DGKI: variants seen among roughly 807,000 people sequenced by gnomAD.
The protein encoded by DGKI is diacylglycerol kinase iota.
In DGKI, 55 loss-of-function variants were observed where a neutral mutation model predicts 147.5. The observed-to-expected ratio is 0.37, with a 90% CI of 0.30 to 0.47. The LOEUF is 0.47. Ranked by LOEUF, DGKI falls within the 20% of genes least tolerant of loss-of-function variation. DGKI has a pLI of 1.00. For synonymous variants in DGKI, 469 were observed against 477.1 expected, an observed-to-expected ratio of 0.98 and a Z score of 0.22; for missense variants, 1,007 against 1,323.8, an observed-to-expected ratio of 0.76 and a Z score of 3.71.
chr7:137,521,569 G>A (rs946751384), intron 21 of DGKI, among the ~76,000 whole-genome samples: 3 of 152,006 alleles, frequency 2.0e-5, no homozygotes, highest in Non-Finnish European at 4.4e-5. Context: ...TTGGTATCAC[G>A]AACTTTTTGC....
intron 1 of DGKI, among the ~76,000 whole-genome samples, chr7:137,788,750 T>TGTC (rs1468333031): frequency 1.6e-4 from 25 of 152,000 alleles, no homozygotes; most frequent in African/African-American, 5.1e-4. Context: ...GTAACCCAAA[T>TGTC]GTCACCTCCC....
At chr7:137,511,245 T>C (rs1040332139) in intron 21 of DGKI, among the ~76,000 whole-genome samples, 2 of 152,224 alleles carry the variant, frequency 1.3e-5, no homozygotes, top group Non-Finnish European at 2.9e-5. Context: ...CACATCCCAT[T>C]GAGAATCAAA....
chr7:137,543,319 T>G (rs1321088720), intron 20 of DGKI, among the ~76,000 whole-genome samples: 3 of 152,236 alleles, frequency 2.0e-5, no homozygotes, highest in African/African-American at 7.2e-5. Context: ...TGCTTTGTTT[T>G]GTCCTATTGG....
chr7:137,407,155 T>C (rs1811984886), intron 30 of DGKI, among the ~76,000 whole-genome samples: 2 of 152,340 alleles, frequency 1.3e-5, no homozygotes, highest in Non-Finnish European at 1.5e-5. Flanking sequence ...CCTTTATTCC[T>C]GTTCTTTATT....
intron 1 of DGKI, among the ~76,000 whole-genome samples, chr7:137,733,208 A>G (rs1226234418): frequency 6.6e-6 from 1 of 151,974 alleles, no homozygotes; most frequent in South Asian, 2.1e-4. Flanking sequence ...ATCTTCCCCA[A>G]ATGAAACTCT....
intron 1 of DGKI, among the ~76,000 whole-genome samples, chr7:137,785,188 G>A (rs1796630187): frequency 6.6e-6 from 1 of 151,930 alleles, no homozygotes; most frequent in Non-Finnish European, 1.5e-5. Flanking sequence ...TAAACAAAAA[G>A]CTGGTTCTTT....
chr7:137,654,657 G>A (rs1172956089), intron 5 of DGKI, 75 bp downstream of exon 5: 1 of 1,072,816 alleles, frequency 9.3e-7, no homozygotes, highest in Non-Finnish European at 1.4e-6. Context: ...TTTATTCCCT[G>A]GTGAATATCT....
chr7:137,407,793 G>A (rs1812011622), intron 30 of DGKI, 82 bp downstream of exon 30: 2 of 1,554,560 alleles, frequency 1.3e-6, no homozygotes, highest in Non-Finnish European at 1.8e-6. Flanking sequence ...AAACTGCCTG[G>A]ATGAAGGGTA....
chr7:137,757,336 C>T (rs1019883986), intron 1 of DGKI, among the ~76,000 whole-genome samples: 3 of 152,180 alleles, frequency 2.0e-5, no homozygotes, highest in Non-Finnish European at 4.4e-5. Flanking sequence ...CTTTACCACT[C>T]TTTCTTAATC....
intron 1 of DGKI, chr7:137,774,812 G>A (rs1796315437): frequency 6.6e-6 from 1 of 152,112 alleles, no homozygotes; most frequent in Admixed American, 6.5e-5. Flanking sequence ...TGACCCTCTT[G>A]TGTTAAGGTC....
At chr7:137,408,489 TC>T (rs1356933670) in intron 29 of DGKI, among the ~76,000 whole-genome samples, 1 of 152,174 alleles carries the variant, frequency 6.6e-6, no homozygotes, top group Non-Finnish European at 1.5e-5. Flanking sequence ...CTTCTTTTTC[TC>T]CCATGTAAGA....
At chr7:137,670,830 T>TG (rs1345790421) in intron 3 of DGKI, among the ~76,000 whole-genome samples, 6 of 152,228 alleles carry the variant, frequency 3.9e-5, no homozygotes, top group African/African-American at 1.4e-4. Flanking sequence ...ATGAGTCTGC[T>TG]GTGCCAGACA....
intron 2 of DGKI, among the ~76,000 whole-genome samples, chr7:137,679,990 C>CAAAAAAAAAAAA (rs768437551): frequency 3.7e-4 from 20 of 54,078 alleles, no homozygotes; most frequent in East Asian, 1.3e-3. Context: ...GACTCCATCT[C>CAAAAAAAAAAAA]AAAAAAAAAA....
chr7:137,494,911 C>T (rs973351293), intron 21 of DGKI, among the ~76,000 whole-genome samples: 17 of 152,134 alleles, frequency 1.1e-4, no homozygotes, highest in Non-Finnish European at 2.4e-4. Context: ...CAATGGTATG[C>T]TGTCTTCAAG....
At chr7:137,636,060 T>C (rs115709805) in intron 6 of DGKI, among the ~76,000 whole-genome samples, 1 of 152,200 alleles carries the variant, frequency 6.6e-6, no homozygotes, top group East Asian at 1.9e-4. Flanking sequence ...ATCCTGATCA[T>C]TAGGCACAGA....
intron 31 of DGKI, chr7:137,395,943 T>C (rs868772875): frequency 2.1e-6 from 1 of 478,098 alleles, no homozygotes; most frequent in Middle Eastern, 5.7e-4. Context: ...GTTTAGTAAT[T>C]TTTTTAAAAG....
At chr7:137,459,615 CG>C (rs1452231778) in intron 27 of DGKI, among the ~76,000 whole-genome samples, 2 of 151,508 alleles carry the variant, frequency 1.3e-5, no homozygotes, top group African/African-American at 4.8e-5. Flanking sequence ...GCTGGGACTA[CG>C]GGCGCCCGCC....
chr7:137,686,913 T>C (rs1823437622), intron 2 of DGKI, among the ~76,000 whole-genome samples: 1 of 152,196 alleles, frequency 6.6e-6, no homozygotes, highest in Admixed American at 6.5e-5. Flanking sequence ...ACTTGGGGAC[T>C]AAGATCCTAA....
chr7:137,719,505 T>A (rs1004281283), intron 1 of DGKI, among the ~76,000 whole-genome samples: 1 of 152,046 alleles, frequency 6.6e-6, no homozygotes, highest in South Asian at 2.1e-4. Context: ...CAGAATGATA[T>A]TGAAGAAGGG....
Sources: allele counts gnomAD v4.1 joint callset (sites outside exome capture counted in the v4.1 genomes callset), GRCh38; gene constraint gnomAD v4.1.1; transcripts MANE v1.5; gene names NCBI Gene and HGNC (gene_info 2026-07-23, HGNC 2026-07-21).